OLFML2A: variants seen among roughly 807,000 people sequenced by gnomAD.
The protein encoded by OLFML2A is olfactomedin-like protein 2A.
OLFML2A carries 47 observed loss-of-function variants against 60.9 expected under a neutral mutation model. The observed-to-expected ratio is 0.77, with a 90% CI of 0.61 to 0.98. The LOEUF is 0.98. Among genes scored for constraint, OLFML2A ranks in the 50% least tolerant of loss-of-function variants. The pLI is 0.00. For synonymous variants in OLFML2A, 372 were observed against 375.0 expected, an observed-to-expected ratio of 0.99 and a Z score of 0.09; for missense variants, 922 against 879.8, an observed-to-expected ratio of 1.05 and a Z score of -0.61.
At chr9:124,807,262 A>G (rs1466055534) in intron 6 of OLFML2A, among the ~76,000 whole-genome samples, 1 of 148,190 alleles carries the variant, frequency 6.7e-6, no homozygotes, top group Non-Finnish European at 1.5e-5. Flanking sequence ...AATGAATAAT[A>G]TAACTTTGAA....
chr9:124,793,331 G>A (rs1209385768), intron 2 of OLFML2A, among the ~76,000 whole-genome samples: 5 of 152,194 alleles, frequency 3.3e-5, no homozygotes, highest in Non-Finnish European at 5.9e-5. Context: ...CAGAGGAGAG[G>A]GAGAGGGGGA....
intron 2 of OLFML2A, among the ~76,000 whole-genome samples, chr9:124,791,563 C>G (rs1841568527): frequency 1.3e-5 from 2 of 151,706 alleles, no homozygotes; most frequent in South Asian, 4.2e-4. Flanking sequence ...GTGACAAAAC[C>G]CTGTCTCTAC....
intron 2 of OLFML2A, among the ~76,000 whole-genome samples, chr9:124,792,350 A>G (rs1166355090): frequency 6.6e-6 from 1 of 151,266 alleles, no homozygotes; most frequent in Non-Finnish European, 1.5e-5. Context: ...CCTGTGTGTC[A>G]CTGTGTCCCT....
intron 4 of OLFML2A, 78 bp from the exon 5 acceptor site, chr9:124,801,336 C>T: frequency 1.3e-6 from 2 of 1,486,126 alleles, no homozygotes; most frequent in Non-Finnish European, 1.9e-6. Flanking sequence ...CCTCCAGTCC[C>T]CACATGCTGA....
intron 7 of OLFML2A, 67 bp from the exon 8 acceptor site, chr9:124,809,741 G>A: frequency 6.5e-7 from 1 of 1,536,062 alleles, no homozygotes; most frequent in Non-Finnish European, 8.8e-7. Context: ...CCCTTGGTGG[G>A]CTCAGGGGAT....
intron 1 of OLFML2A, chr9:124,778,955 G>A (rs1841310760): frequency 8.1e-6 from 8 of 985,152 alleles, no homozygotes; most frequent in Non-Finnish European, 9.6e-6. Flanking sequence ...GCCTGCCCAC[G>A]GACAGATAAA....
chr9:124,803,579 G>T (rs935548913), intron 5 of OLFML2A, among the ~76,000 whole-genome samples: 1 of 152,188 alleles, frequency 6.6e-6, no homozygotes, highest in African/African-American at 2.4e-5. Flanking sequence ...AAGCACTTTC[G>T]TTCATGCCGT....
chr9:124,799,389 G>T lies in OLFML2A; in HGVS notation c.567G>T (p.Leu189=). Reference sequence around the variant, plus strand: ...ATGAGAATCACTCTGCCATCATGCTGGGCATCAAGAAGGAGCTGTCCCGCC... The same window carrying T: ...ATGAGAATCACTCTGCCATCATGCTTGGCATCAAGAAGGAGCTGTCCCGCC... ...RHYENHSAIM[L]GIKKELSRLG... The change falls in exon 4 of 8, where the codon CTG becomes CTT. Residue 189 remains leucine, a synonymous_variant. Transcript: ENST00000373580. The T allele has an allele frequency of 6.2e-7, 1 of 1,613,894 alleles. No homozygotes were observed. Among genetic ancestry groups the T allele is most frequent in the South Asian group, 1.1e-5 (1 of 91,076 alleles).
chr9:124,784,329 G>C (rs1182745651), intron 1 of OLFML2A, among the ~76,000 whole-genome samples: 1 of 151,636 alleles, frequency 6.6e-6, no homozygotes, highest in East Asian at 1.9e-4. Context: ...TCAGCCTCCC[G>C]AGTAGCTGAG....
At chr9:124,790,460 C>T (rs937397875) in intron 2 of OLFML2A, among the ~76,000 whole-genome samples, 5 of 152,082 alleles carry the variant, frequency 3.3e-5, no homozygotes, top group African/African-American at 1.2e-4. Flanking sequence ...CAGGCATGAG[C>T]CAAGTATTAA....
At chr9:124,780,274 GTGAC>G (rs1337510364) in intron 1 of OLFML2A, among the ~76,000 whole-genome samples, 1 of 152,226 alleles carries the variant, frequency 6.6e-6, no homozygotes, top group African/African-American at 2.4e-5. Context: ...TTCTTGGAAT[GTGAC>G]TGAGAATTTT....
chr9:124,795,201 G>GC, intron 3 of OLFML2A, 70 bp downstream of exon 3: 1 of 890,644 alleles, frequency 1.1e-6, no homozygotes, highest in South Asian at 1.6e-5. Context: ...GTCCGAAGGG[G>GC]CCCCGGCAAT....
chr9:124,798,989 C>T (rs16927641), intron 3 of OLFML2A, among the ~76,000 whole-genome samples: 1 of 152,138 alleles, frequency 6.6e-6, no homozygotes, highest in Non-Finnish European at 1.5e-5. Flanking sequence ...TAACTGTTGG[C>T]ACTGAGAAAT....
Position 124,779,283 on chromosome 9 carries a change from C to T in OLFML2A, c.90+1923C>T, listed in dbSNP as rs368209727. Among the ~76,000 whole-genome samples the T allele has an allele frequency of 6.6e-6, 1 of 152,156 alleles. No homozygotes were observed. Among genetic ancestry groups the T allele is most frequent in the East Asian group, 1.9e-4 (1 of 5,192 alleles). ...AGAAACATCTCCCCAACCTTCCTTCCATATGGGGCCCTCTGGGATTCCCTG... is the reference window on the plus strand; with the variant it reads ...AGAAACATCTCCCCAACCTTCCTTCTATATGGGGCCCTCTGGGATTCCCTG... On this transcript the variant is annotated intron_variant, in intron 1 of 7. Transcript: ENST00000373580. This position sits in a 1 kb window ranked among gnomAD's most constrained non-coding sequence, Gnocchi z 4.1.
intron 1 of OLFML2A, among the ~76,000 whole-genome samples, chr9:124,780,549 A>G (rs1841344495): frequency 1.3e-5 from 2 of 152,134 alleles, no homozygotes; most frequent in Admixed American, 1.3e-4. Flanking sequence ...CCGCTCCGGG[A>G]GTTTCCGCCT....
Position 124,814,134 on chromosome 9 carries a change from C to T in OLFML2A, c.*3722C>T, listed in dbSNP as rs1016753992. The T allele has an allele frequency of 9.2e-5, 14 of 152,268 alleles. No homozygotes were observed. The highest frequency in any genetic ancestry group is 3.1e-4 in the African/African-American group (13 of 41,472). 9.4% of individuals were successfully genotyped at this position (152,268 alleles called of 1,614,324 possible). On this transcript the variant is annotated 3_prime_UTR_variant, in exon 8 of 8. Coordinates refer to ENST00000373580, the MANE Select transcript of OLFML2A (RefSeq NM_182487.4). The stretch of plus-strand genomic sequence containing the variant: ...GTGGGGTAGAGAATGGAGCTCCCGC[C>T]TTGCGGGCAGTGCTAAAGGTGGAGC...
intron 3 of OLFML2A, among the ~76,000 whole-genome samples, chr9:124,796,691 C>G (rs549036577): frequency 2.5e-4 from 38 of 152,206 alleles, no homozygotes; most frequent in Non-Finnish European, 4.3e-4. Context: ...GGGGGATAAG[C>G]AGCAACTTGG....
At chr9:124,784,061 G>C (rs1056448071) in intron 1 of OLFML2A, among the ~76,000 whole-genome samples, 2 of 152,154 alleles carry the variant, frequency 1.3e-5, no homozygotes, top group Non-Finnish European at 2.9e-5. Flanking sequence ...GGCTGCAGTG[G>C]AGAGAGCCAT....
intron 2 of OLFML2A, among the ~76,000 whole-genome samples, chr9:124,791,294 C>A (rs1368654427): frequency 6.6e-6 from 1 of 152,232 alleles, no homozygotes; most frequent in South Asian, 2.1e-4. Flanking sequence ...TGAGCCTTCT[C>A]TCTTCTCTGG....
Sources: gnomAD v4.1 joint callset for allele counts (sites outside exome capture counted in the v4.1 genomes callset) on GRCh38, gnomAD v4.1.1 for gene constraint, Gnocchi (gnomAD v3.1) non-coding constraint, MANE v1.5 for transcripts, NCBI Gene and HGNC (gene_info 2026-07-23, HGNC 2026-07-21) for gene names.